PATJ: variants seen among roughly 807,000 people sequenced by gnomAD.
PATJ encodes the protein inaD-like protein.
PATJ carries 190 observed loss-of-function variants against 224.9 expected under a neutral mutation model. The observed-to-expected ratio is 0.84, with a 90% CI of 0.75 to 0.95. The LOEUF (loss-of-function observed/expected upper bound fraction) is 0.95, where lower values mean the gene tolerates loss of function less well. Ranked by LOEUF, PATJ falls within the 40% of genes least tolerant of loss-of-function variation. The pLI is 0.00. For missense variants in PATJ, 2,121 were observed against 2,270.3 expected (o/e 0.93, Z 1.34); for synonymous variants, 769 against 820.3 (o/e 0.94, Z 1.07).
At chr1:61,928,233 T>C (rs368748160) in intron 27 of PATJ, among the ~76,000 whole-genome samples, 1 of 152,226 alleles carries the variant, frequency 6.6e-6, no homozygotes, top group African/African-American at 2.4e-5. Context: ...CACCAACTTG[T>C]ATTTTGTCCT....
chr1:62,031,199 A>G (rs1389088388), intron 29 of PATJ, among the ~76,000 whole-genome samples: 1 of 152,194 alleles, frequency 6.6e-6, no homozygotes, highest in Non-Finnish European at 1.5e-5. Flanking sequence ...GCTCCTTCTC[A>G]GCATTTGTTT....
intron 31 of PATJ, among the ~76,000 whole-genome samples, chr1:62,076,017 A>T (rs1055943257): frequency 2.0e-5 from 3 of 152,098 alleles, no homozygotes; most frequent in African/African-American, 7.2e-5. Context: ...ACCCTGTTTT[A>T]TAATAGGAAC....
chr1:62,088,571 T>A (rs1429289794), intron 33 of PATJ, among the ~76,000 whole-genome samples: 1 of 152,150 alleles, frequency 6.6e-6, no homozygotes, highest in East Asian at 1.9e-4. Flanking sequence ...TGGGGCAGAC[T>A]TCTTAACCTC....
intron 19 of PATJ, among the ~76,000 whole-genome samples, chr1:61,863,899 CT>C (rs1175108859): frequency 6.6e-6 from 1 of 152,170 alleles, no homozygotes; most frequent in Non-Finnish European, 1.5e-5. Flanking sequence ...TTATGTACTA[CT>C]TTTTATGGGT....
intron 24 of PATJ, among the ~76,000 whole-genome samples, chr1:61,901,739 A>C (rs1338968753): frequency 6.6e-6 from 1 of 152,238 alleles, no homozygotes; most frequent in Non-Finnish European, 1.5e-5. Flanking sequence ...GATGGTAGGC[A>C]TTATGCTTCT....
intron 32 of PATJ, among the ~76,000 whole-genome samples, chr1:62,083,142 T>C (rs1216528194): frequency 6.6e-6 from 1 of 152,226 alleles, no homozygotes; most frequent in Non-Finnish European, 1.5e-5. Flanking sequence ...TGTTGCCATT[T>C]TGAGACGGAG....
chr1:61,866,048 C>G (rs1463025795), intron 20 of PATJ, among the ~76,000 whole-genome samples: 6 of 152,150 alleles, frequency 3.9e-5, no homozygotes, highest in Admixed American at 6.5e-5. Context: ...GTGAATGATG[C>G]CTGGTTGCCT....
intron 19 of PATJ, among the ~76,000 whole-genome samples, chr1:61,863,215 T>C (rs1664910759): frequency 6.6e-6 from 1 of 151,924 alleles, no homozygotes; most frequent in South Asian, 2.1e-4. Context: ...TTAAATTTTT[T>C]TGTAGAGACG....
chr1:62,153,266 G>C, intron 42 of PATJ, 92 bp from the exon 43 acceptor site: 2 of 993,156 alleles, frequency 2.0e-6, no homozygotes, highest in Non-Finnish European at 2.6e-6. Context: ...TTTGCAGTAT[G>C]AAAGTCTCTC....
At chr1:61,911,972 CATTT>C (rs1220658898) in intron 25 of PATJ, among the ~76,000 whole-genome samples, 4 of 149,148 alleles carry the variant, frequency 2.7e-5, no homozygotes, top group Admixed American at 1.3e-4. Context: ...GAGACTTTCT[CATTT>C]ATTCTAAACT....
intron 20 of PATJ, among the ~76,000 whole-genome samples, chr1:61,870,912 C>T (rs1344261433): frequency 2.6e-5 from 4 of 152,076 alleles, no homozygotes. Flanking sequence ...TTGTTTGCTT[C>T]TTAGGAGTAT....
intron 1 of PATJ, among the ~76,000 whole-genome samples, chr1:61,750,681 T>TA (rs1645274624): frequency 6.6e-6 from 1 of 152,062 alleles, no homozygotes; most frequent in African/African-American, 2.4e-5. Flanking sequence ...CCTCAGGTGT[T>TA]CTGCCTGCCT....
intron 17 of PATJ, among the ~76,000 whole-genome samples, chr1:61,849,893 G>A (rs1281072027): frequency 6.6e-6 from 1 of 151,940 alleles, no homozygotes; most frequent in Admixed American, 6.6e-5. Context: ...TCTTTATTGG[G>A]GTAATACTGC....
Position 62,107,317 on chromosome 1 carries a change from AAGG to A in PATJ, c.4378-1117_4378-1115del, listed in dbSNP as rs1345937580. Among the ~76,000 whole-genome samples, 36 of 151,920 alleles carry A rather than the reference AAGG, an allele frequency of 2.4e-4. 1 individual carries two copies. The East Asian group carries it at 6.6e-3, about 28-fold the overall frequency. ...TGAGAGTCCATCTCAAAAAAAAAAA[AAGG>A]AGAAGCTGTGTCCCTCTCTCAGCAG... On this transcript the variant is annotated intron_variant, in intron 33 of 43. Coordinates refer to ENST00000642238, the MANE Select transcript of PATJ (RefSeq NM_001350145.3).
At chr1:61,826,207 A>C (rs1380827152) in intron 15 of PATJ, among the ~76,000 whole-genome samples, 2 of 152,152 alleles carry the variant, frequency 1.3e-5, no homozygotes, top group Non-Finnish European at 2.9e-5. Context: ...GATATGTTAC[A>C]GGCTTGAGAG....
At chr1:61,980,403 A>C (rs1194299689) in intron 27 of PATJ, among the ~76,000 whole-genome samples, 1 of 151,188 alleles carries the variant, frequency 6.6e-6, no homozygotes, top group Non-Finnish European at 1.5e-5. Flanking sequence ...AACACTTTTG[A>C]TATTTTGTTG....
At chr1:61,756,835 A>G (rs1309316536) in intron 1 of PATJ, among the ~76,000 whole-genome samples, 3 of 151,710 alleles carry the variant, frequency 2.0e-5, no homozygotes, top group African/African-American at 4.8e-5. Flanking sequence ...GCCTCCCAAA[A>G]TGCTGGGATT....
intron 14 of PATJ, 21 bp from the exon 15 acceptor site, chr1:61,822,923 AT>A (rs1481405872): frequency 1.2e-6 from 2 of 1,613,696 alleles, no homozygotes; most frequent in South Asian, 2.2e-5. Context: ...ATGTTTGATC[AT>A]TGCTTTGTGT....
chr1:61,752,311 C>CTTT (rs370759266), intron 1 of PATJ, among the ~76,000 whole-genome samples: 10,959 of 123,858 alleles, frequency 0.088, 557 homozygotes, highest in Non-Finnish European at 0.11. Flanking sequence ...TCATTTCTTT[C>CTTT]TTTTTTTTTT....
Sources: allele counts gnomAD v4.1 joint callset (sites outside exome capture counted in the v4.1 genomes callset), GRCh38; gene constraint gnomAD v4.1.1; transcripts MANE v1.5; gene names NCBI Gene and HGNC (gene_info 2026-07-23, HGNC 2026-07-21).